The following R3HDM1 variants were observed in gnomAD, a reference collection of about 807,000 sequenced individuals.
The protein encoded by R3HDM1 is R3H domain containing 1.
Under a neutral mutation model 141.1 loss-of-function variants are expected in R3HDM1, and 46 were observed. The observed-to-expected ratio is 0.33, with a 90% CI of 0.26 to 0.42. The LOEUF (loss-of-function observed/expected upper bound fraction) is 0.42. Among genes scored for constraint, R3HDM1 ranks in the 10% least tolerant of loss-of-function variants. The pLI is 1.00. For missense variants in R3HDM1, 1,184 were observed against 1,368.3 expected (o/e 0.87, Z 2.12); for synonymous variants, 435 against 472.9 (o/e 0.92, Z 1.04).
Position 135,651,972 on chromosome 2 carries a change from T to A in R3HDM1, c.1968T>A (p.Gly656=), listed in dbSNP as rs202173447. ...CTACTGCTGGATATCCTGCCTCTGG[T>A]CATCCTGTCAGCCAGCCTGTGCTCC... The part of the protein sequence containing the change: ...PVPTAGYPAS[G]HPVSQPVLQQ... The change falls in exon 18 of 27, where the codon GGT becomes GGA. Residue 656 remains glycine (G), a synonymous_variant. Transcript: ENST00000683871. 32 of 1,612,618 alleles carry A rather than the reference T, an allele frequency of 2.0e-5. No homozygotes were observed. The highest frequency in any genetic ancestry group is 1.4e-5 in the Non-Finnish European group (16 of 1,179,056).
chr2:135,637,620 C>T (rs568317855), intron 11 of R3HDM1, among the ~76,000 whole-genome samples: 2 of 152,244 alleles, frequency 1.3e-5, no homozygotes, highest in Middle Eastern at 3.4e-3. Flanking sequence ...TGCACTCCAG[C>T]CTGGGTGACA....
chr2:135,620,742 T>C, intron 5 of R3HDM1: 2 of 828,150 alleles, frequency 2.4e-6, no homozygotes, highest in South Asian at 5.5e-5. Flanking sequence ...AGCTACATGA[T>C]TTTTGCCTTT....
intron 19 of R3HDM1, among the ~76,000 whole-genome samples, chr2:135,662,209 A>G (rs567247907): frequency 3.2e-4 from 49 of 152,312 alleles, no homozygotes; most frequent in South Asian, 6.2e-4. Context: ...GCTTATCACT[A>G]TTGGAGGCTC....
At chr2:135,558,626 A>C (rs1177565461) in intron 1 of R3HDM1, among the ~76,000 whole-genome samples, 1 of 152,358 alleles carries the variant, frequency 6.6e-6, no homozygotes, top group African/African-American at 2.4e-5. Flanking sequence ...TAAAGAAATG[A>C]GTAGCCAGTA....
At chr2:135,672,489 T>G (rs1004081616) in intron 19 of R3HDM1, among the ~76,000 whole-genome samples, 1 of 152,204 alleles carries the variant, frequency 6.6e-6, no homozygotes, top group African/African-American at 2.4e-5. Flanking sequence ...TTTATAAATA[T>G]CAGTCAGGAC....
intron 7 of R3HDM1, among the ~76,000 whole-genome samples, chr2:135,627,190 ATACCTGG>A (rs1369350085): frequency 6.6e-6 from 1 of 152,206 alleles, no homozygotes; most frequent in African/African-American, 2.4e-5. Context: ...ATTGCCAGCT[ATACCTGG>A]TACACAATTA....
intron 19 of R3HDM1, among the ~76,000 whole-genome samples, chr2:135,666,723 G>T (rs1323462817): frequency 6.6e-6 from 1 of 152,118 alleles, no homozygotes; most frequent in Non-Finnish European, 1.5e-5. Context: ...GATGAGAGAT[G>T]AGAAGGGATA....
intron 19 of R3HDM1, among the ~76,000 whole-genome samples, chr2:135,663,559 A>G (rs1002386432): frequency 6.6e-6 from 1 of 152,324 alleles, no homozygotes; most frequent in Non-Finnish European, 1.5e-5. Flanking sequence ...TGTTATGCTA[A>G]TAAGTATCAT....
chr2:135,553,583 T>G (rs1334713960), intron 1 of R3HDM1, among the ~76,000 whole-genome samples: 1 of 152,230 alleles, frequency 6.6e-6, no homozygotes, highest in African/African-American at 2.4e-5. Context: ...TTTCAAAATG[T>G]GATGTTTTTA....
chr2:135,550,211 T>A, intron 1 of R3HDM1: 1 of 985,072 alleles, frequency 1.0e-6, no homozygotes, highest in Non-Finnish European at 1.2e-6. Flanking sequence ...TCTTTTTTAA[T>A]GAATGCTGAT....
intron 7 of R3HDM1, among the ~76,000 whole-genome samples, chr2:135,626,303 G>A (rs1331477712): frequency 6.6e-6 from 1 of 152,066 alleles, no homozygotes; most frequent in East Asian, 1.9e-4. Context: ...TCTGTTGATT[G>A]TTGTTGTGTT....
Position 135,638,924 on chromosome 2 carries a change from A to G in R3HDM1, c.1021A>G (p.Thr341Ala). 6.2e-7 allele frequency: 1 copy of G among 1,614,112 alleles called. No homozygotes were observed. Residue 341 changes from threonine to alanine, a missense_variant, in exon 14 of 27, where the codon ACA becomes GCA. By Grantham distance (58) the Thr-to-Ala change is moderately conservative. Coordinates refer to ENST00000683871, the MANE Select transcript of R3HDM1 (RefSeq NM_001378107.1). Reference protein sequence around the residue: ...RVNKDASGRSTNSHQSSTENE... With the variant: ...RVNKDASGRSANSHQSSTENE... ...TAATAAAGATGCTTCAGGGAGATCTACAAATAGCCATCAAAGCAGCACTGA... is the reference window on the plus strand; with the variant it reads ...TAATAAAGATGCTTCAGGGAGATCTGCAAATAGCCATCAAAGCAGCACTGA...
chr2:135,636,504 T>C (rs1471189487), intron 11 of R3HDM1, among the ~76,000 whole-genome samples: 4 of 152,206 alleles, frequency 2.6e-5, no homozygotes, highest in Non-Finnish European at 5.9e-5. Context: ...TTTTTATTAA[T>C]AGAAATTGCT....
chr2:135,616,602 TA>T, intron 4 of R3HDM1, 65 bp from the exon 5 acceptor site: 1 of 1,311,228 alleles, frequency 7.6e-7, no homozygotes, highest in Non-Finnish European at 1.1e-6. Flanking sequence ...AAACTCTTTC[TA>T]GGGGGCTTTT....
rs956344470 is a variant in R3HDM1, at chr2:135,725,131, C to T, written c.*839C>T. 2.6e-5 allele frequency: 4 copies of T among 152,176 alleles called. No individual in the cohort carries two copies. Among genetic ancestry groups the T allele is most frequent in the African/African-American group, 4.8e-5 (2 of 41,400 alleles). The allele number at this position is 152,176 out of a possible 1,614,324, so 9.4% of individuals were successfully genotyped here. ...TACAGTTTGTTTTCATTGTTTGCAG[C>T]GGATCACTGGACATCAAAGATTCAT... is the stretch of plus-strand genomic sequence containing the variant. On this transcript the variant is annotated 3_prime_UTR_variant, in exon 27 of 27. Transcript: ENST00000683871.
intron 23 of R3HDM1, among the ~76,000 whole-genome samples, chr2:135,712,943 A>T (rs2075818910): frequency 6.7e-6 from 1 of 150,328 alleles, no homozygotes; most frequent in African/African-American, 2.5e-5. Context: ...TAAAAATAAA[A>T]AAAATCCCAG....
chr2:135,669,203 C>A (rs754562563), intron 19 of R3HDM1: 1 of 985,070 alleles, frequency 1.0e-6, no homozygotes, highest in African/African-American at 1.7e-5. Context: ...ACGCATCTTG[C>A]GGGTAGTGGA....
chr2:135,569,068 G>A (rs1028446939), intron 1 of R3HDM1, among the ~76,000 whole-genome samples: 3 of 152,154 alleles, frequency 2.0e-5, no homozygotes, highest in African/African-American at 7.2e-5. Flanking sequence ...GCCTATTTAA[G>A]TTTCAGTGGT....
At chr2:135,675,007 C>A (rs922592751) in intron 19 of R3HDM1, among the ~76,000 whole-genome samples, 85 of 151,428 alleles carry the variant, frequency 5.6e-4, no homozygotes, top group African/African-American at 1.8e-3. Flanking sequence ...TATGTAGCAA[C>A]TCCTGGTCCT....
Sources: allele counts gnomAD v4.1 joint callset (sites outside exome capture counted in the v4.1 genomes callset), GRCh38; gene constraint gnomAD v4.1.1; transcripts MANE v1.5; gene names NCBI Gene and HGNC (gene_info 2026-07-23, HGNC 2026-07-21).